The following PDE3A variants were observed in gnomAD, a reference collection of about 807,000 sequenced individuals.
PDE3A encodes the protein cGMP-inhibited 3',5'-cyclic phosphodiesterase 3A.
PDE3A carries 43 observed loss-of-function variants against 98.3 expected under a neutral mutation model. The ratio of observed to expected loss-of-function variants is 0.44; its 90% CI spans 0.34 to 0.56. The LOEUF (loss-of-function observed/expected upper bound fraction) is 0.56. Ranked by LOEUF, PDE3A falls within the 20% of genes least tolerant of loss-of-function variation. PDE3A has a pLI of 0.01. For synonymous variants in PDE3A, 663 were observed against 567.9 expected (o/e 1.17, Z -2.38); for missense variants, 1,427 against 1,440.7 (o/e 0.99, Z 0.15).
intron 9 of PDE3A, among the ~76,000 whole-genome samples, chr12:20,638,419 C>T (rs2121513444): frequency 6.6e-6 from 1 of 152,222 alleles, no homozygotes; most frequent in South Asian, 2.1e-4. Flanking sequence ...CTATTCTGTC[C>T]ATCACCATGT....
intron 9 of PDE3A, among the ~76,000 whole-genome samples, chr12:20,638,462 T>A (rs1209359970): frequency 6.6e-6 from 1 of 152,172 alleles, no homozygotes; most frequent in East Asian, 1.9e-4. Flanking sequence ...TGCACTTTGC[T>A]AGGAGTTGAG....
intron 2 of PDE3A, among the ~76,000 whole-genome samples, chr12:20,568,385 C>T (rs765333239): frequency 2.0e-5 from 3 of 151,842 alleles, no homozygotes; most frequent in African/African-American, 7.2e-5. Flanking sequence ...ATATAAATAA[C>T]GTCTATGGCT....
chr12:20,405,019 A>G (rs937215924), intron 1 of PDE3A, among the ~76,000 whole-genome samples: 2 of 151,978 alleles, frequency 1.3e-5, no homozygotes, highest in African/African-American at 4.8e-5. Flanking sequence ...CTTTATTGAG[A>G]GAGAGAATGA....
At chr12:20,581,070 C>T (rs905341866) in intron 2 of PDE3A, among the ~76,000 whole-genome samples, 1 of 152,030 alleles carries the variant, frequency 6.6e-6, no homozygotes, top group African/African-American at 2.4e-5. Flanking sequence ...TTACAATGAA[C>T]TAATTTGGGT....
chr12:20,370,151 G>A lies in PDE3A; in HGVS notation c.867G>A (p.Arg289=), dbSNP rs757719420. The A allele has an allele frequency of 5.6e-6, 9 of 1,613,426 alleles. No individual in the cohort carries two copies. The Admixed American group carries it at 1.5e-4, about 27-fold the overall frequency. ...AAGATATCCCGGTGTTTAAGAGGAG[G>A]AGGCGGTCCAGCTCCGTCGTGTCCG... ...TKEDIPVFKR[R]RRSSSVVSAE... The change falls in exon 1 of 16, where the codon AGG becomes AGA. Residue 289 remains arginine (R), a synonymous_variant. Transcript: ENST00000359062.
intron 1 of PDE3A, among the ~76,000 whole-genome samples, chr12:20,505,385 C>A (rs1025710431): frequency 2.0e-5 from 3 of 152,054 alleles, no homozygotes; most frequent in African/African-American, 7.2e-5. Flanking sequence ...ATCACTCAAT[C>A]TAATTCAACT....
intron 15 of PDE3A, among the ~76,000 whole-genome samples, chr12:20,655,774 C>T (rs1416334163): frequency 4.6e-5 from 7 of 152,164 alleles, no homozygotes; most frequent in Non-Finnish European, 7.3e-5. Context: ...TGGACTGCTT[C>T]AGCTGCTCTA....
chr12:20,380,450 T>G (rs1302654431), intron 1 of PDE3A, among the ~76,000 whole-genome samples: 2 of 151,870 alleles, frequency 1.3e-5, no homozygotes, highest in Non-Finnish European at 2.9e-5. Flanking sequence ...TCCACCTACT[T>G]TTTAATAGAA....
At chr12:20,500,573 T>A (rs1946004233) in intron 1 of PDE3A, among the ~76,000 whole-genome samples, 1 of 152,104 alleles carries the variant, frequency 6.6e-6, no homozygotes. Flanking sequence ...TTTTCTTTCT[T>A]CAGGATTTTT....
intron 15 of PDE3A, among the ~76,000 whole-genome samples, chr12:20,664,345 G>A (rs1158642666): frequency 6.6e-6 from 1 of 152,136 alleles, no homozygotes; most frequent in Admixed American, 6.5e-5. Context: ...TTAGATGAGG[G>A]TACTGAGAGT....
At chr12:20,413,077 T>G (rs186335357) in intron 1 of PDE3A, among the ~76,000 whole-genome samples, 43 of 152,288 alleles carry the variant, frequency 2.8e-4, no homozygotes, top group African/African-American at 1.0e-3. Flanking sequence ...TCCTTTTGGA[T>G]TTTTATAGTT....
At chr12:20,415,732 C>T (rs187830990) in intron 1 of PDE3A, among the ~76,000 whole-genome samples, 78 of 152,290 alleles carry the variant, frequency 5.1e-4, no homozygotes, top group African/African-American at 1.7e-3. Flanking sequence ...CCACCATGCC[C>T]GGCTGGCCTC....
At chr12:20,492,195 G>A (rs983026067) in intron 1 of PDE3A, among the ~76,000 whole-genome samples, 2 of 152,086 alleles carry the variant, frequency 1.3e-5, no homozygotes, top group African/African-American at 4.8e-5. Flanking sequence ...TGTCCAAGCT[G>A]GTCTCAAACT....
At chr12:20,582,552 T>C (rs1362327528) in intron 2 of PDE3A, among the ~76,000 whole-genome samples, 1 of 152,086 alleles carries the variant, frequency 6.6e-6, no homozygotes, top group African/African-American at 2.4e-5. Context: ...GTAATAAAAT[T>C]ATAGTGATAA....
At chr12:20,531,619 C>T (rs1565579427) in intron 1 of PDE3A, among the ~76,000 whole-genome samples, 1 of 151,962 alleles carries the variant, frequency 6.6e-6, no homozygotes, top group Non-Finnish European at 1.5e-5. Context: ...ACATGAATTT[C>T]TGAAGGTTGC....
chr12:20,638,936 A>C (rs1246345273), intron 9 of PDE3A, among the ~76,000 whole-genome samples: 2 of 152,134 alleles, frequency 1.3e-5, no homozygotes, highest in African/African-American at 4.8e-5. Context: ...AAAGTCATAT[A>C]GTAAATATTC....
chr12:20,386,810 C>A (rs772396432), intron 1 of PDE3A, among the ~76,000 whole-genome samples: 2 of 152,036 alleles, frequency 1.3e-5, no homozygotes, highest in African/African-American at 2.4e-5. Context: ...GCTTTTGTTG[C>A]AATTGCTTTT....
chr12:20,402,069 A>C (rs1231014111), intron 1 of PDE3A, among the ~76,000 whole-genome samples: 1 of 152,154 alleles, frequency 6.6e-6, no homozygotes, highest in Non-Finnish European at 1.5e-5. Flanking sequence ...CTTTGTGGAT[A>C]GTTGTGCTGC....
intron 2 of PDE3A, among the ~76,000 whole-genome samples, chr12:20,565,048 A>G (rs35957539): frequency 0.016 from 2,444 of 152,230 alleles, 29 homozygotes; most frequent in Non-Finnish European, 0.02. Context: ...AAAAACAAAA[A>G]TAATACCTAT....
Sources: gnomAD v4.1 joint callset for allele counts (sites outside exome capture counted in the v4.1 genomes callset) on GRCh38, gnomAD v4.1.1 for gene constraint, MANE v1.5 for transcripts, NCBI Gene and HGNC (gene_info 2026-07-23, HGNC 2026-07-21) for gene names.